Variants in PCSK2 observed in about 807,000 individuals in gnomAD.
PCSK2 encodes the protein proprotein convertase subtilisin/kexin type 2.
A neutral mutation model predicts 69.7 loss-of-function variants in PCSK2; 14 were observed. The observed-to-expected ratio is 0.20, with a 90% CI of 0.13 to 0.31. PCSK2 has a LOEUF of 0.31. Among genes scored for constraint, PCSK2 ranks in the 10% least tolerant of loss-of-function variants. PCSK2 has a pLI of 1.00. For missense variants in PCSK2, 544 were observed against 842.5 expected (o/e 0.65, Z 4.39); for synonymous variants, 307 against 320.7 (o/e 0.96, Z 0.46).
chr20:17,367,069 A>C (rs62201008), intron 4 of PCSK2, among the ~76,000 whole-genome samples: 31,014 of 151,400 alleles, frequency 0.2, 3,284 homozygotes, highest in Middle Eastern at 0.31. Flanking sequence ...AAAGACACAC[A>C]CAGAGAATAT....
intron 2 of PCSK2, among the ~76,000 whole-genome samples, chr20:17,299,814 A>G (rs1025934746): frequency 1.3e-5 from 2 of 152,168 alleles, no homozygotes; most frequent in African/African-American, 4.8e-5. Flanking sequence ...CTGATATCAA[A>G]TCATTTCATT....
intron 11 of PCSK2, among the ~76,000 whole-genome samples, chr20:17,467,199 C>G (rs2033119073): frequency 6.6e-6 from 1 of 152,206 alleles, no homozygotes; most frequent in Non-Finnish European, 1.5e-5. Flanking sequence ...TTAGACAATA[C>G]TTTTGACATT....
chr20:17,247,986 C>T (rs1986828743), intron 1 of PCSK2, among the ~76,000 whole-genome samples: 1 of 152,154 alleles, frequency 6.6e-6, no homozygotes, highest in Non-Finnish European at 1.5e-5. Context: ...GAGATCCATA[C>T]ATTTTTGTGG....
At chr20:17,388,183 G>A (rs1568629123) in intron 5 of PCSK2, among the ~76,000 whole-genome samples, 1 of 152,048 alleles carries the variant, frequency 6.6e-6, no homozygotes, top group Admixed American at 6.6e-5. Flanking sequence ...CATTGGAGAA[G>A]TAGAAAGAGA....
rs141734803 is a variant in PCSK2, at chr20:17,243,924, T to C, written c.178-16316T>C. Among the ~76,000 whole-genome samples the C allele has an allele frequency of 6.7e-3, 1,024 of 152,292 alleles. 3 individuals carry two copies. The highest frequency in any genetic ancestry group is 0.01 in the Non-Finnish European group (689 of 68,018). ...AAAGAAATGACAACCACATGCAACA[T>C]GTGATCTTGGATTGAACTTTGGGCC... is the stretch of plus-strand genomic sequence containing the variant. On this transcript the variant is annotated intron_variant, in intron 1 of 11. Transcript: ENST00000262545.
intron 2 of PCSK2, among the ~76,000 whole-genome samples, chr20:17,285,224 T>C (rs888918994): frequency 6.6e-6 from 1 of 152,220 alleles, no homozygotes; most frequent in African/African-American, 2.4e-5. Context: ...GATGTATTCA[T>C]TATTTTTCAA....
At chr20:17,440,470 C>T (rs183793694) in intron 8 of PCSK2, among the ~76,000 whole-genome samples, 3 of 152,204 alleles carry the variant, frequency 2.0e-5, no homozygotes, top group African/African-American at 4.8e-5. Context: ...ATGGGTTGGA[C>T]GGGTGGGCTG....
chr20:17,230,989 G>C (rs907780608), intron 1 of PCSK2, among the ~76,000 whole-genome samples: 4 of 152,110 alleles, frequency 2.6e-5, no homozygotes, highest in Non-Finnish European at 5.9e-5. Context: ...AATGACAAAA[G>C]CATTATTCCA....
Position 17,260,291 on chromosome 20 carries a change from G to T in PCSK2, c.229G>T (p.Ala77Ser), listed in dbSNP as rs146093336. Residue 77 changes from alanine to serine, a missense_variant, in exon 2 of 12, where the codon GCC becomes TCC. Physicochemically the swap from Ala to Ser is moderately conservative, Grantham distance 99. This residue lies in a region of PCSK2 where 157 missense variants were observed against 155.0 expected (regional missense o/e 1.01). Transcript: ENST00000262545. ...YHFYHNGLAK[A>S]KRRRSLHHKQ... ...CTTTTATCACAATGGCCTTGCAAAG[G>T]CCAAGAGAAGACGCAGCCTACACCA... is the stretch of plus-strand genomic sequence containing the variant. 227 of 1,613,810 alleles carry T rather than the reference G, an allele frequency of 1.4e-4. 7 individuals carry two copies. Among genetic ancestry groups the T allele is most frequent in the East Asian group, 9.8e-4 (44 of 44,844 alleles).
intron 5 of PCSK2, among the ~76,000 whole-genome samples, chr20:17,370,291 G>A (rs1000953420): frequency 4.6e-5 from 7 of 152,164 alleles, no homozygotes; most frequent in African/African-American, 1.7e-4. Context: ...AAAAGTGTTT[G>A]GAGGTCACCA....
Position 17,347,788 on chromosome 20 carries a change from G to A in PCSK2, c.283-10539G>A, listed in dbSNP as rs189516928. 6.4e-4 allele frequency among the ~76,000 whole-genome samples: 9 copies of A among 14,022 alleles called. No individual in the cohort carries two copies. The East Asian group carries it at 0.01, about 16-fold the overall frequency. The allele number at this position is 14,022 out of a possible 152,430, so 9.2% of individuals were successfully genotyped here. A position where few individuals can be genotyped will look rare whatever the true frequency, so the allele number is the denominator to read the frequency against. ...TAAAACTGCTGAAAGACACATAGAC[G>A]AAAGAAAGAAAGAAAGAAAGAAAGA... On this transcript the variant is annotated intron_variant, in intron 2 of 11. Coordinates refer to ENST00000262545, the MANE Select transcript of PCSK2 (RefSeq NM_002594.5).
intron 2 of PCSK2, among the ~76,000 whole-genome samples, chr20:17,293,945 G>C (rs919069811): frequency 6.6e-6 from 1 of 152,008 alleles, no homozygotes; most frequent in Non-Finnish European, 1.5e-5. Flanking sequence ...CTTTTTGAAA[G>C]TGTATCTTTG....
At chr20:17,274,018 T>A (rs1009551210) in intron 2 of PCSK2, among the ~76,000 whole-genome samples, 1 of 152,132 alleles carries the variant, frequency 6.6e-6, no homozygotes, top group African/African-American at 2.4e-5. Flanking sequence ...AATGAATGTC[T>A]TAATGAAAAG....
chr20:17,360,700 A>G, intron 4 of PCSK2, 60 bp downstream of exon 4: 1 of 1,004,338 alleles, frequency 1.0e-6, no homozygotes, highest in Non-Finnish European at 1.5e-6. Context: ...TTGCCTTTTG[A>G]TAAAAGTTGT....
intron 11 of PCSK2, among the ~76,000 whole-genome samples, chr20:17,473,702 C>T (rs1314423137): frequency 6.6e-6 from 1 of 152,202 alleles, no homozygotes; most frequent in Non-Finnish European, 1.5e-5. Flanking sequence ...CTGGAAAATA[C>T]TGTTCCTAGG....
At chr20:17,245,864 T>C (rs1200444966) in intron 1 of PCSK2, among the ~76,000 whole-genome samples, 2 of 152,148 alleles carry the variant, frequency 1.3e-5, no homozygotes, top group Non-Finnish European at 2.9e-5. Context: ...TACCCTCCAG[T>C]TTACCACAAT....
intron 11 of PCSK2, among the ~76,000 whole-genome samples, chr20:17,471,088 T>C (rs2033192820): frequency 1.3e-5 from 2 of 151,980 alleles, no homozygotes; most frequent in South Asian, 2.1e-4. Context: ...TCAAGCACCA[T>C]ATGATTATGA....
Position 17,360,648 on chromosome 20 carries a change from T to C in PCSK2, c.505+8T>C, listed in dbSNP as rs781366856. ...TTGGAATTATGGATGATGGTGAGTA[T>C]TTTGAAGCCTGTGCCTCATTTGGAA... is the stretch of plus-strand genomic sequence containing the variant. On this transcript the variant is annotated splice_region_variant and intron_variant, in intron 4 of 11. Coordinates refer to ENST00000262545, the MANE Select transcript of PCSK2 (RefSeq NM_002594.5). 2.0e-6 allele frequency: 3 copies of C among 1,505,132 alleles called. No individual in the cohort carries two copies. The highest frequency in any genetic ancestry group is 2.8e-6 in the Non-Finnish European group (3 of 1,082,920). The allele number at this position is 1,505,132 out of a possible 1,614,324, so 93.2% of individuals were successfully genotyped here. A position where few individuals can be genotyped will look rare whatever the true frequency, so the allele number is the denominator to read the frequency against.
At chr20:17,369,195 C>A (rs1357911822) in intron 4 of PCSK2, 45 bp from the exon 5 acceptor site, 1 of 1,566,084 alleles carries the variant, frequency 6.4e-7, no homozygotes, top group Non-Finnish European at 8.8e-7. Context: ...GACACAGTGG[C>A]AGGTATTAAC....
Sources: allele counts gnomAD v4.1 joint callset (sites outside exome capture counted in the v4.1 genomes callset), GRCh38; gene constraint gnomAD v4.1.1; regional missense constraint gnomAD v4.1.1; transcripts MANE v1.5; gene names NCBI Gene and HGNC (gene_info 2026-07-23, HGNC 2026-07-21).